TMEM94: variants seen among roughly 807,000 people sequenced by gnomAD.
TMEM94 encodes the protein transmembrane protein 94.
Under a neutral mutation model 158.6 loss-of-function variants are expected in TMEM94, and 81 were observed. That is an observed-to-expected ratio of 0.51 (90% confidence interval 0.43 to 0.61). The LOEUF (loss-of-function observed/expected upper bound fraction) is 0.61, where lower values mean the gene tolerates loss of function less well. TMEM94 is among the 20% of genes least tolerant of loss of function. The pLI, the probability that TMEM94 is intolerant of heterozygous loss-of-function variation, is 0.00. For missense variants in TMEM94, 1,435 were observed against 1,762.0 expected (o/e 0.81, Z 3.32); for synonymous variants, 751 against 730.7 (o/e 1.03, Z -0.45).
At position 75,498,083 on chromosome 17, in the gene TMEM94, A is replaced by G. The variant is rs1434506073; in HGVS notation, c.3490-92A>G. ...GCTCCCTATCCCCCCAGGCCTGACCATTTACTAAGAGCCCGTTGAATACGT... is the reference window on the plus strand; with the variant it reads ...GCTCCCTATCCCCCCAGGCCTGACCGTTTACTAAGAGCCCGTTGAATACGT... On this transcript the variant is annotated intron_variant, in intron 27 of 31. Transcript: ENST00000314256. This position sits in a 1 kb window ranked among gnomAD's most constrained non-coding sequence, Gnocchi z 6.7. 8 of 1,545,036 alleles carry G rather than the reference A, an allele frequency of 5.2e-6. No homozygotes were observed. The highest frequency in any genetic ancestry group is 1.8e-4 in the Middle Eastern group (1 of 5,540).
chr17:75,498,302 G>A lies in TMEM94; in HGVS notation c.3617G>A (p.Cys1206Tyr). Residue 1206 changes from cysteine to tyrosine, a missense_variant, in exon 28 of 32, where the codon TGC (cysteine) becomes TAC (tyrosine). Cys to Tyr is a radical substitution (Grantham distance 194). This residue lies in a region of TMEM94 where 335 missense variants were observed against 409.1 expected (regional missense o/e 0.82). Coordinates refer to ENST00000314256, the MANE Select transcript of TMEM94 (RefSeq NM_014738.6). The surrounding 1 kb of genome is among the most constrained non-coding windows in gnomAD (Gnocchi z 6.7). ...TCCCGGGACCGCAACCTCACCAACT[G>A]CTCCTCCGTCATGCTGCCCAGGTGG... Reference protein sequence around the residue: ...DSSRDRNLTNCSSVMLPSNDD... With the variant: ...DSSRDRNLTNYSSVMLPSNDD... 6.2e-7 allele frequency: 1 copy of A among 1,613,056 alleles called. No individual in the cohort carries two copies.
At chr17:75,472,056 T>C in intron 2 of TMEM94, 127 bp downstream of exon 2, 1 of 898,260 alleles carries the variant, frequency 1.1e-6, no homozygotes, top group Non-Finnish European at 1.8e-6. Flanking sequence ...GAGGCAAGGC[T>C]CTGAGTCTTG....
intron 2 of TMEM94, among the ~76,000 whole-genome samples, chr17:75,479,291 A>G (rs1054139813): frequency 6.6e-6 from 1 of 151,816 alleles, no homozygotes; most frequent in South Asian, 2.1e-4. Context: ...GCAAGACCTC[A>G]TGTCTACAAA....
In TMEM94 at chr17:75,491,528, A is replaced by G; in HGVS notation, c.1386+73A>G. Reference sequence around the variant, plus strand: ...GGCTGTTTAGCCTTGGAGCCTGGCCAGGGAGGGTGAGGTTTCGGAGGGCGA... The same window carrying G: ...GGCTGTTTAGCCTTGGAGCCTGGCCGGGGAGGGTGAGGTTTCGGAGGGCGA... On this transcript the variant is annotated intron_variant, in intron 13 of 31. Transcript: ENST00000314256. This position sits in a 1 kb window ranked among gnomAD's most constrained non-coding sequence, Gnocchi z 5.1. The G allele has an allele frequency of 6.2e-7, 1 of 1,605,652 alleles. No homozygotes were observed. Among genetic ancestry groups the G allele is most frequent in the Non-Finnish European group, 8.5e-7 (1 of 1,173,928 alleles).
intron 18 of TMEM94, 73 bp from the exon 19 acceptor site, chr17:75,494,554 C>A: frequency 1.4e-6 from 2 of 1,481,048 alleles, no homozygotes; most frequent in Non-Finnish European, 1.8e-6. Context: ...TTGGGTGTGG[C>A]ATCTGTGTGT....
At position 75,489,139 on chromosome 17, in the gene TMEM94, G is replaced by A. The variant is rs2051903427; in HGVS notation, c.765-127G>A. 1.0e-6 allele frequency: 1 copy of A among 992,830 alleles called. No homozygotes were observed. The highest frequency in any genetic ancestry group is 2.1e-5 in the Admixed American group (1 of 47,546). 61.5% of individuals were successfully genotyped at this position (992,830 alleles called of 1,614,324 possible). A position where few individuals can be genotyped will look rare whatever the true frequency, so the allele number is the denominator to read the frequency against. On this transcript the variant is annotated intron_variant, in intron 7 of 31. Coordinates refer to ENST00000314256, the MANE Select transcript of TMEM94 (RefSeq NM_014738.6). The surrounding 1 kb of genome is among the most constrained non-coding windows in gnomAD (Gnocchi z 5.0). The stretch of plus-strand genomic sequence containing the variant: ...GTGAACACGGGCTAGGGCCAGGGCA[G>A]AGCGTGGAACTGCAGGACTCACGGT...
At chr17:75,461,908 C>G (rs568386291) in intron 1 of TMEM94, among the ~76,000 whole-genome samples, 2 of 144,408 alleles carry the variant, frequency 1.4e-5, no homozygotes, top group African/African-American at 5.1e-5. Flanking sequence ...AGCAAGACTC[C>G]GTCTCAAAAA....
intron 2 of TMEM94, among the ~76,000 whole-genome samples, chr17:75,483,999 C>T (rs1040878016): frequency 5.9e-5 from 9 of 152,024 alleles, no homozygotes; most frequent in African/African-American, 7.3e-5. Context: ...TCAGAGTCAA[C>T]GGAGAAAACA....
At chr17:75,476,890 AC>A in intron 2 of TMEM94, 1 of 1,336,636 alleles carries the variant, frequency 7.5e-7, no homozygotes, top group Non-Finnish European at 1.0e-6. Flanking sequence ...GGTAGCTGGG[AC>A]CTGGGAAGGG....
intron 5 of TMEM94, 45 bp downstream of exon 5, chr17:75,486,471 A>G (rs534346539): frequency 3.1e-6 from 5 of 1,612,844 alleles, no homozygotes; most frequent in Admixed American, 1.7e-5. Flanking sequence ...ATGACCGGAC[A>G]TATCAGAGCC....
intron 1 of TMEM94, 45 bp from the exon 2 acceptor site, chr17:75,471,755 G>C (rs1336937416): frequency 5.3e-5 from 38 of 719,262 alleles, no homozygotes; most frequent in Non-Finnish European, 8.4e-5. Context: ...CACAGTAGCT[G>C]CCTGTTCCAG....
chr17:75,471,806 T>C lies in TMEM94; in HGVS notation c.-100T>C. 8.3e-7 allele frequency: 1 copy of C among 1,198,996 alleles called. No homozygotes were observed. The highest frequency in any genetic ancestry group is 1.5e-5 in the African/African-American group (1 of 66,202). The allele number at this position is 1,198,996 out of a possible 1,614,324, so 74.3% of individuals were successfully genotyped here. A position where few individuals can be genotyped will look rare whatever the true frequency, so the allele number is the denominator to read the frequency against. ...CTTTCTTCTTTTTCCCCAGATGTTGTGACTGTGACAGACTCACTGGGGTTT... is the reference window on the plus strand; with the variant it reads ...CTTTCTTCTTTTTCCCCAGATGTTGCGACTGTGACAGACTCACTGGGGTTT... On this transcript the variant is annotated 5_prime_UTR_variant, in exon 2 of 32. It removes the in-frame stop codon of an upstream open reading frame in the 5' UTR. Transcript: ENST00000314256.
chr17:75,488,822 C>A lies in TMEM94; in HGVS notation c.676C>A (p.Pro226Thr), dbSNP rs573789814. Residue 226 changes from proline to threonine, a missense_variant, in exon 7 of 32, where the codon CCC becomes ACC. Pro to Thr is a conservative substitution (Grantham distance 38). Around this residue, in one of 3 missense-constraint regions of TMEM94, gnomAD observed 1,051 missense variants for 1,254.4 expected, o/e 0.84. Coordinates refer to ENST00000314256, the MANE Select transcript of TMEM94 (RefSeq NM_014738.6). ...CCCCCCCTTCTCCCCTCCACCCTCA[C>A]CCCGGGGAGAAGTGGAGAGAGGGCC... ...LFPPFSPPPS[P>T]RGEVERGPQS... is the part of the protein sequence containing the mutation. The A allele has an allele frequency of 6.2e-7, 1 of 1,613,046 alleles. No individual in the cohort carries two copies. Among genetic ancestry groups the A allele is most frequent in the Non-Finnish European group, 8.5e-7 (1 of 1,179,386 alleles).
At chr17:75,497,056 A>G (rs946777033) in intron 25 of TMEM94, 57 bp from the exon 26 acceptor site, 8 of 1,469,148 alleles carry the variant, frequency 5.4e-6, no homozygotes, top group Non-Finnish European at 7.6e-6. Context: ...GGGGGCTCCT[A>G]TGCCCTTATT....
chr17:75,495,103 A>G lies in TMEM94; in HGVS notation c.2728+69A>G. 2 of 1,579,226 alleles carry G rather than the reference A, an allele frequency of 1.3e-6. No homozygotes were observed. The highest frequency in any genetic ancestry group is 1.7e-6 in the Non-Finnish European group (2 of 1,161,190). ...GATTCCCCTCCTCAGAGCCACAGCCAGGAAGAGCCTCCGGAGAGCCCTCCA... is the reference window on the plus strand; with the variant it reads ...GATTCCCCTCCTCAGAGCCACAGCCGGGAAGAGCCTCCGGAGAGCCCTCCA... On this transcript the variant is annotated intron_variant, in intron 20 of 31. Coordinates refer to ENST00000314256, the MANE Select transcript of TMEM94 (RefSeq NM_014738.6). The surrounding 1 kb of genome is among the most constrained non-coding windows in gnomAD (Gnocchi z 5.6).
rs2053010256 is a variant in TMEM94 at position 75,498,801 on chromosome 17, G to A, written c.3827+79G>A. 1.3e-6 allele frequency: 2 copies of A among 1,525,654 alleles called. No homozygotes were observed. The highest frequency in any genetic ancestry group is 2.8e-5 in the African/African-American group (2 of 72,288). 94.5% of individuals were successfully genotyped at this position (1,525,654 alleles called of 1,614,324 possible). A position where few individuals can be genotyped will look rare whatever the true frequency, so the allele number is the denominator to read the frequency against. On this transcript the variant is annotated intron_variant, in intron 30 of 31. Coordinates refer to ENST00000314256, the MANE Select transcript of TMEM94 (RefSeq NM_014738.6). This position sits in a 1 kb window ranked among gnomAD's most constrained non-coding sequence, Gnocchi z 6.7. ...CTGCAGGGCTAGGATCGGAGGGCGG[G>A]ACCGGGGCCAGTGGTTTAACTGTAC...
rs2146549023 is a variant in TMEM94, at chr17:75,485,454, G to A, written c.51G>A (p.Leu17=). The change falls in exon 3 of 32, where the codon CTG becomes CTA. Residue 17 remains leucine (L), a synonymous_variant. Coordinates refer to ENST00000314256, the MANE Select transcript of TMEM94 (RefSeq NM_014738.6). The surrounding 1 kb of genome is among the most constrained non-coding windows in gnomAD (Gnocchi z 5.5). ...HLGEPPSALG[L]STRKALSVLK... ...GCGAGCCTCCCTCAGCCCTGGGCCTGTCCACGCGGAAGGCCCTCAGCGTCC... is the reference window on the plus strand; with the variant it reads ...GCGAGCCTCCCTCAGCCCTGGGCCTATCCACGCGGAAGGCCCTCAGCGTCC... 2 of 1,614,148 alleles carry A rather than the reference G, an allele frequency of 1.2e-6. No individual in the cohort carries two copies. The highest frequency in any genetic ancestry group is 1.7e-6 in the Non-Finnish European group (2 of 1,179,986).
In TMEM94 at chr17:75,498,538, G is replaced by A; in HGVS notation, c.3733G>A (p.Val1245Ile). Residue 1245 changes from valine to isoleucine, a missense_variant and splice_region_variant, in exon 29 of 32, where the codon GTC becomes ATC. Physicochemically the swap from Val to Ile is conservative, Grantham distance 29. Around this residue, in one of 3 missense-constraint regions of TMEM94, gnomAD observed 335 missense variants for 409.1 expected, o/e 0.82. Coordinates refer to ENST00000314256, the MANE Select transcript of TMEM94 (RefSeq NM_014738.6). This position sits in a 1 kb window ranked among gnomAD's most constrained non-coding sequence, Gnocchi z 6.7. ...GGCCGCCCTGATTGTCCTGCACACTGGTGAGAGGGCTCCCTGGGAGGGCGT... is the reference window on the plus strand; with the variant it reads ...GGCCGCCCTGATTGTCCTGCACACTAGTGAGAGGGCTCCCTGGGAGGGCGT... ...LTAALIVLHTVFISITHVHRT... is the reference protein window; with the variant it reads ...LTAALIVLHTIFISITHVHRT... 6.2e-7 allele frequency: 1 copy of A among 1,610,934 alleles called. No homozygotes were observed. Among genetic ancestry groups the A allele is most frequent in the Non-Finnish European group, 8.5e-7 (1 of 1,178,434 alleles).
At chr17:75,465,655 T>TATATATA (rs9302993) in intron 1 of TMEM94, among the ~76,000 whole-genome samples, 7 of 98,850 alleles carry the variant, frequency 7.1e-5, no homozygotes, top group African/African-American at 2.1e-4. Context: ...ATAAGAATTT[T>TATATATA]TATATATATA....
Sources: allele counts gnomAD v4.1 joint callset (sites outside exome capture counted in the v4.1 genomes callset), GRCh38; gene constraint gnomAD v4.1.1; regional missense constraint gnomAD v4.1.1; non-coding constraint Gnocchi (gnomAD v3.1); transcripts MANE v1.5; gene names NCBI Gene and HGNC (gene_info 2026-07-23, HGNC 2026-07-21).